Variants in DLGAP2 observed in about 807,000 individuals in gnomAD.
The protein encoded by DLGAP2 is disks large-associated protein 2.
Under a neutral mutation model 100.3 loss-of-function variants are expected in DLGAP2, and 26 were observed. The ratio of observed to expected loss-of-function variants is 0.26; its 90% CI spans 0.19 to 0.36. The LOEUF (loss-of-function observed/expected upper bound fraction) is 0.36, where lower values mean the gene tolerates loss of function less well. Among genes scored for constraint, DLGAP2 ranks in the 10% least tolerant of loss-of-function variants. DLGAP2 has a pLI of 1.00. For synonymous variants in DLGAP2, 886 were observed against 630.1 expected (o/e 1.41, Z -6.08); for missense variants, 1,858 against 1,453.2 (o/e 1.28, Z -4.53).
chr8:1,415,437 G>A (rs187113825), intron 3 of DLGAP2, among the ~76,000 whole-genome samples: 1 of 149,486 alleles, frequency 6.7e-6, no homozygotes, highest in African/African-American at 2.4e-5. Flanking sequence ...AGCACCCAAT[G>A]GGCAGTGTTT....
intron 3 of DLGAP2, among the ~76,000 whole-genome samples, chr8:1,484,262 C>A (rs1449945651): frequency 6.6e-6 from 1 of 152,282 alleles, no homozygotes; most frequent in Non-Finnish European, 1.5e-5. Context: ...TTCTTGTCAG[C>A]AGTCAGACCC....
At chr8:852,462 C>T (rs1797199723) in intron 1 of DLGAP2, among the ~76,000 whole-genome samples, 1 of 152,224 alleles carries the variant, frequency 6.6e-6, no homozygotes, top group Non-Finnish European at 1.5e-5. Flanking sequence ...CTTTTATCTG[C>T]TCATCAGCTG....
chr8:990,127 A>G lies in DLGAP2; in HGVS notation c.73+82161A>G, dbSNP rs145940923. Among the ~76,000 whole-genome samples the G allele has an allele frequency of 3.3e-3, 506 of 152,180 alleles. 8 individuals are homozygous for G. The South Asian group carries it at 0.042, about 13-fold the overall frequency. On this transcript the variant is annotated intron_variant, in intron 2 of 14. Transcript: ENST00000637795. ...TTCAGTGCTGTGTTACCTCCTTTCT[A>G]TCAGCCTGATGATTTGAGCTCCATC...
intron 2 of DLGAP2, among the ~76,000 whole-genome samples, chr8:999,498 C>A (rs1364192820): frequency 6.8e-6 from 1 of 147,262 alleles, no homozygotes. Context: ...TTTTTTTTCC[C>A]GATGGAGTGT....
At chr8:1,216,550 G>C (rs1261588012) in intron 2 of DLGAP2, among the ~76,000 whole-genome samples, 6 of 151,810 alleles carry the variant, frequency 4.0e-5, no homozygotes, top group African/African-American at 1.5e-4. Context: ...GCCCAGGCTG[G>C]ACTTGAACCT....
chr8:737,860 C>A (rs1400119447), intron 1 of DLGAP2, 35 bp downstream of exon 1: 3 of 374,784 alleles, frequency 8.0e-6, no homozygotes, highest in Admixed American at 4.6e-5. Context: ...GAGCCGGGCG[C>A]GGGGCTCCGA....
rs146040948 is a variant in DLGAP2 at position 1,555,727 on chromosome 8, G to A, written c.1230+6044G>A. 7.0e-4 allele frequency among the ~76,000 whole-genome samples: 106 copies of A among 152,340 alleles called. No homozygotes were observed. In the South Asian group the frequency reaches 8.3e-3, roughly 12 times the overall value. Reference sequence around the variant, plus strand: ...TTGGTGCCGGGCAGGCAGGGAGATCGCTGGGCTGTGTCACATCTCAGTGAC... The same window carrying A: ...TTGGTGCCGGGCAGGCAGGGAGATCACTGGGCTGTGTCACATCTCAGTGAC... On this transcript the variant is annotated intron_variant, in intron 5 of 14. Transcript: ENST00000637795.
At chr8:1,356,907 A>G (rs1801866262) in intron 3 of DLGAP2, among the ~76,000 whole-genome samples, 1 of 152,210 alleles carries the variant, frequency 6.6e-6, no homozygotes, top group African/African-American at 2.4e-5. Context: ...CCTTGTGTCT[A>G]CAGTGCCCGT....
Position 1,676,519 on chromosome 8 carries a change from C to A in DLGAP2, c.2203-14C>A. 1.9e-6 allele frequency: 3 copies of A among 1,610,698 alleles called. No individual in the cohort carries two copies. The highest frequency in any genetic ancestry group is 2.5e-6 in the Non-Finnish European group (3 of 1,178,496). The stretch of plus-strand genomic sequence containing the variant: ...TGTTTCAGTTCTAAAATAAGACGTT[C>A]TCTGTTGAATTAGGTGGAAACGGCC... On this transcript the variant is annotated splice_polypyrimidine_tract_variant and intron_variant, in intron 10 of 14. Transcript: ENST00000637795.
rs1363256448 is a variant in DLGAP2, at chr8:1,701,868, G to C, written c.*462G>C. The C allele has an allele frequency of 6.4e-6, 1 of 156,404 alleles. No homozygotes were observed. Among genetic ancestry groups the C allele is most frequent in the African/African-American group, 2.4e-5 (1 of 41,574 alleles). The allele number at this position is 156,404 out of a possible 1,614,324, so 9.7% of individuals were successfully genotyped here. On this transcript the variant is annotated 3_prime_UTR_variant, in exon 15 of 15. Coordinates refer to ENST00000637795, the MANE Select transcript of DLGAP2 (RefSeq NM_001346810.2). ...CAAGTGGAAGGTGCTACAACCTGAA[G>C]CGCAGGAAAGAAAGGCCCATTCCCC... is the stretch of plus-strand genomic sequence containing the variant.
intron 1 of DLGAP2, among the ~76,000 whole-genome samples, chr8:795,770 G>A (rs906141364): frequency 2.0e-5 from 3 of 146,774 alleles, no homozygotes; most frequent in East Asian, 4.2e-4. Context: ...GAGAGCAGGC[G>A]TCCAGTGAGA....
intron 6 of DLGAP2, among the ~76,000 whole-genome samples, chr8:1,576,248 T>A (rs1802972194): frequency 6.6e-6 from 1 of 152,256 alleles, no homozygotes; most frequent in South Asian, 2.1e-4. Context: ...ATGTGTCTGT[T>A]GGCTGCATAA....
At chr8:1,335,058 G>C (rs1436563904) in intron 3 of DLGAP2, among the ~76,000 whole-genome samples, 1 of 152,160 alleles carries the variant, frequency 6.6e-6, no homozygotes, top group Admixed American at 6.5e-5. Flanking sequence ...TAGAAATTCA[G>C]GGCAAACCAT....
chr8:1,352,727 G>A lies in DLGAP2; in HGVS notation c.106+93844G>A, dbSNP rs114297664. Among the ~76,000 whole-genome samples the A allele has an allele frequency of 7.1e-3, 1,074 of 152,174 alleles. 18 individuals carry two copies. Among genetic ancestry groups the A allele is most frequent in the African/African-American group, 0.024 (1,012 of 41,518 alleles). On this transcript the variant is annotated intron_variant, in intron 3 of 14. Coordinates refer to ENST00000637795, the MANE Select transcript of DLGAP2 (RefSeq NM_001346810.2). ...TTCTCTGCCCTGAGTTTTACAGCTCGCTGTGCCCTGCAAATGCATTTCTCC... is the reference window on the plus strand; with the variant it reads ...TTCTCTGCCCTGAGTTTTACAGCTCACTGTGCCCTGCAAATGCATTTCTCC...
At chr8:1,029,540 A>T (rs2129027580) in intron 2 of DLGAP2, among the ~76,000 whole-genome samples, 1 of 151,958 alleles carries the variant, frequency 6.6e-6, no homozygotes, top group South Asian at 2.1e-4. Flanking sequence ...TAGGACGACC[A>T]ACGGTGTCCA....
intron 2 of DLGAP2, among the ~76,000 whole-genome samples, chr8:1,164,602 C>A (rs1796978127): frequency 6.6e-6 from 1 of 151,980 alleles, no homozygotes; most frequent in Admixed American, 6.6e-5. Context: ...TGCCACAAAG[C>A]CCAAGTCAGA....
At chr8:836,798 A>G (rs1256642674) in intron 1 of DLGAP2, among the ~76,000 whole-genome samples, 4 of 152,200 alleles carry the variant, frequency 2.6e-5, no homozygotes, top group South Asian at 2.1e-4. Flanking sequence ...GATGGCATCT[A>G]ACGGAGATCT....
chr8:1,514,925 A>G (rs1209020365), intron 4 of DLGAP2, among the ~76,000 whole-genome samples: 1 of 152,154 alleles, frequency 6.6e-6, no homozygotes, highest in East Asian at 1.9e-4. Context: ...CCCCTACAAG[A>G]GCACAGCCAG....
At chr8:1,412,806 C>G (rs1796771036) in intron 3 of DLGAP2, among the ~76,000 whole-genome samples, 2 of 152,202 alleles carry the variant, frequency 1.3e-5, no homozygotes, top group Admixed American at 1.3e-4. Flanking sequence ...CTATTCACAG[C>G]CCTCCCCAGC....
Sources: gnomAD v4.1 joint callset for allele counts (sites outside exome capture counted in the v4.1 genomes callset) on GRCh38, gnomAD v4.1.1 for gene constraint, MANE v1.5 for transcripts, NCBI Gene and HGNC (gene_info 2026-07-23, HGNC 2026-07-21) for gene names.